Variants in XKR9 observed in about 807,000 individuals in gnomAD.
XKR9 encodes the protein XK-related protein 9.
XKR9 carries 32 observed loss-of-function variants against 32.0 expected under a neutral mutation model. The observed-to-expected ratio is 1.00, with a 90% CI of 0.76 to 1.34. The LOEUF (loss-of-function observed/expected upper bound fraction) is 1.34, where lower values mean the gene tolerates loss of function less well. XKR9 is among the 40% of genes most tolerant of loss of function. XKR9 has a pLI of 0.00. For missense variants in XKR9, 546 were observed against 429.7 expected (o/e 1.27, Z -2.39); for synonymous variants, 168 against 143.4 (o/e 1.17, Z -1.22).
the XKR9 span, among the ~76,000 whole-genome samples, chr8:71,061,318 G>A: frequency 2.6e-5 from 4 of 151,998 alleles, no homozygotes; most frequent in Admixed American, 6.6e-5. Flanking sequence ...CATGACATAC[G>A]GGCCTTCGGA....
At chr8:70,897,104 T>C in the XKR9 span, among the ~76,000 whole-genome samples, 2 of 152,176 alleles carry the variant, frequency 1.3e-5, no homozygotes, top group Non-Finnish European at 2.9e-5. Context: ...GTTTTAATTT[T>C]TAGCTCCTGC....
Position 70,776,269 on chromosome 8 carries a change from C to T in XKR9, n.353-13070C>T, listed in dbSNP as rs577517350. Among the ~76,000 whole-genome samples the T allele has an allele frequency of 2.8e-3, 425 of 152,236 alleles. 5 individuals are homozygous for T. Among genetic ancestry groups the T allele is most frequent in the African/African-American group, 9.7e-3 (404 of 41,550 alleles). On this transcript the variant is annotated intron_variant and non_coding_transcript_variant, in intron 2 of 3. Coordinates refer to the XKR9 transcript ENST00000520273. ...ACAAGGGAGTTATTCAGATTTTCTG[C>T]TCTTCTAGAATCAGTTTTGGTAACT...
At chr8:70,903,051 A>G in the XKR9 span, among the ~76,000 whole-genome samples, 1 of 152,044 alleles carries the variant, frequency 6.6e-6, no homozygotes, top group Non-Finnish European at 1.5e-5. Flanking sequence ...CCAGTATTTT[A>G]TGAAGATTTT....
chr8:70,934,148 A>G, the XKR9 span, among the ~76,000 whole-genome samples: 2 of 152,074 alleles, frequency 1.3e-5, no homozygotes, highest in Non-Finnish European at 2.9e-5. Flanking sequence ...TATAATAAAT[A>G]TTAACTCTTA....
intron 3 of XKR9, among the ~76,000 whole-genome samples, chr8:70,685,989 C>T (rs1819263667): frequency 6.6e-6 from 1 of 151,020 alleles, no homozygotes; most frequent in South Asian, 2.1e-4. Context: ...TTTTTCAGTG[C>T]TCTTCCTTTC....
At chr8:70,813,765 A>T in the XKR9 span, among the ~76,000 whole-genome samples, 1 of 152,238 alleles carries the variant, frequency 6.6e-6, no homozygotes, top group Non-Finnish European at 1.5e-5. Context: ...ACCAGTTAGA[A>T]TGGCAATCAT....
chr8:70,882,637 C>T, the XKR9 span, among the ~76,000 whole-genome samples: 5 of 151,904 alleles, frequency 3.3e-5, no homozygotes, highest in Admixed American at 6.6e-5. Context: ...TGGAAAACTG[C>T]GTAGAAGGTA....
the XKR9 span, among the ~76,000 whole-genome samples, chr8:70,870,920 G>A: frequency 2.6e-5 from 4 of 152,176 alleles, no homozygotes; most frequent in Non-Finnish European, 1.5e-5. Context: ...CACAACAGTA[G>A]CATTAAGAAG....
At chr8:70,722,854 T>C (rs1806328668) in intron 4 of XKR9, among the ~76,000 whole-genome samples, 1 of 152,152 alleles carries the variant, frequency 6.6e-6, no homozygotes, top group African/African-American at 2.4e-5. Context: ...CTTGCTAGGT[T>C]GGGGAAGTTC....
chr8:70,988,536 C>T, the XKR9 span, among the ~76,000 whole-genome samples: 11 of 152,206 alleles, frequency 7.2e-5, no homozygotes, highest in South Asian at 8.3e-4. Flanking sequence ...AAGATTGCCA[C>T]GATACATGCC....
chr8:70,757,468 C>T (rs1807242925), intron 2 of XKR9, among the ~76,000 whole-genome samples: 1 of 151,860 alleles, frequency 6.6e-6, no homozygotes. Context: ...TGATTTGGTT[C>T]CTTTTTAAAA....
chr8:70,760,508 G>C (rs7014012), intron 2 of XKR9, among the ~76,000 whole-genome samples: 5 of 151,842 alleles, frequency 3.3e-5, no homozygotes, highest in African/African-American at 1.2e-4. Flanking sequence ...AACATAAAAC[G>C]TACTATTTTA....
At chr8:70,741,592 A>G (rs1198349784) in intron 2 of XKR9, among the ~76,000 whole-genome samples, 1 of 152,196 alleles carries the variant, frequency 6.6e-6, no homozygotes, top group African/African-American at 2.4e-5. Flanking sequence ...AAGACTGAAT[A>G]GTATTCCATT....
chr8:70,755,865 C>T (rs971481631), intron 2 of XKR9, among the ~76,000 whole-genome samples: 1 of 150,934 alleles, frequency 6.6e-6, no homozygotes, highest in Non-Finnish European at 1.5e-5. Flanking sequence ...ACATATGTAA[C>T]TAATCTGCAC....
At chr8:70,740,797 G>A (rs576531100), downstream of XKR9, among the ~76,000 whole-genome samples, 10 of 152,328 alleles carry the variant, frequency 6.6e-5, no homozygotes, top group East Asian at 1.4e-3. Flanking sequence ...CGTGAACCAC[G>A]AATGCTGCTG....
chr8:70,807,224 C>T, the XKR9 span, among the ~76,000 whole-genome samples: 1 of 152,116 alleles, frequency 6.6e-6, no homozygotes, highest in Non-Finnish European at 1.5e-5. Flanking sequence ...TGAGAGATTT[C>T]ATTACTACCA....
the XKR9 span, among the ~76,000 whole-genome samples, chr8:71,055,821 T>G: frequency 6.6e-6 from 1 of 152,242 alleles, no homozygotes; most frequent in Non-Finnish European, 1.5e-5. Flanking sequence ...TAAATATTTC[T>G]AAAAGTAATT....
At chr8:70,799,284 C>T in the XKR9 span, among the ~76,000 whole-genome samples, 7 of 151,996 alleles carry the variant, frequency 4.6e-5, no homozygotes, top group African/African-American at 1.7e-4. Context: ...TAGCTGTATT[C>T]CTAAGCATCT....
chr8:70,725,343 A>T (rs1171019646), intron 4 of XKR9, among the ~76,000 whole-genome samples: 2 of 152,182 alleles, frequency 1.3e-5, no homozygotes, highest in African/African-American at 4.8e-5. Context: ...AAATGGAAGA[A>T]ATGTGTGTAT....
Sources: gnomAD v4.1 joint callset for allele counts (sites outside exome capture counted in the v4.1 genomes callset) on GRCh38, gnomAD v4.1.1 for gene constraint, MANE v1.5 for transcripts, NCBI Gene and HGNC (gene_info 2026-07-23, HGNC 2026-07-21) for gene names.